The following MBD5 variants were observed in gnomAD, a reference collection of about 807,000 sequenced individuals.
MBD5 encodes methyl-CpG binding domain protein 5.
MBD5 carries 13 observed loss-of-function variants against 117.3 expected under a neutral mutation model. The ratio of observed to expected loss-of-function variants is 0.11; its 90% CI spans 0.07 to 0.18. The LOEUF is 0.18. Ranked by LOEUF, MBD5 falls within the 10% of genes least tolerant of loss-of-function variation. The probability of loss-of-function intolerance (pLI) is 1.00; values close to 1 mark genes in which losing one functional copy is unlikely to be tolerated. For synonymous variants in MBD5, 727 were observed against 766.4 expected (o/e 0.95, Z 0.85); for missense variants, 1,879 against 2,093.8 (o/e 0.90, Z 2.00).
chr2:148,152,511 G>A (rs201072460), intron 1 of MBD5, among the ~76,000 whole-genome samples: 1,876 of 151,650 alleles, frequency 0.012, 45 homozygotes, highest in African/African-American at 0.042. Flanking sequence ...TTTCTGTCTC[G>A]TTGATCTGTC....
intron 4 of MBD5, among the ~76,000 whole-genome samples, chr2:148,351,919 T>G (rs918103726): frequency 6.6e-6 from 1 of 152,070 alleles, no homozygotes; most frequent in African/African-American, 2.4e-5. Context: ...TTCTGCAACC[T>G]ATGTGTTTAG....
At chr2:148,085,092 C>T (rs1409099777) in intron 1 of MBD5, among the ~76,000 whole-genome samples, 1 of 152,134 alleles carries the variant, frequency 6.6e-6, no homozygotes, top group Non-Finnish European at 1.5e-5. Context: ...TCTGTGTAAA[C>T]AACACAGCAG....
At chr2:148,104,621 A>G (rs562883560) in intron 1 of MBD5, among the ~76,000 whole-genome samples, 1 of 152,168 alleles carries the variant, frequency 6.6e-6, no homozygotes, top group Non-Finnish European at 1.5e-5. Context: ...TTGCAGTTGT[A>G]TTGTTAATTT....
chr2:148,276,193 G>C lies in MBD5; in HGVS notation c.-680+42798G>C, dbSNP rs1420161808. Among the ~76,000 whole-genome samples, 3 of 152,110 alleles carry C rather than the reference G, an allele frequency of 2.0e-5. No individual in the cohort carries two copies. In the East Asian group the frequency reaches 5.8e-4, roughly 29 times the overall value. Reference sequence around the variant, plus strand: ...AAGTTAGCCAAATGTAATGGTGCATGCCCATAGTCCTAGCTACTTGGGGGG... The same window carrying C: ...AAGTTAGCCAAATGTAATGGTGCATCCCCATAGTCCTAGCTACTTGGGGGG... On this transcript the variant is annotated intron_variant, in intron 3 of 13. Coordinates refer to ENST00000642680, the MANE Select transcript of MBD5 (RefSeq NM_001378120.1).
chr2:148,417,870 C>T (rs932959105), intron 4 of MBD5, among the ~76,000 whole-genome samples: 11 of 151,826 alleles, frequency 7.2e-5, no homozygotes, highest in Non-Finnish European at 1.5e-4. Context: ...GACAGAGCCT[C>T]ACACTGTTAC....
At chr2:148,029,851 T>C (rs572152851) in intron 1 of MBD5, among the ~76,000 whole-genome samples, 1 of 152,216 alleles carries the variant, frequency 6.6e-6, no homozygotes, top group Admixed American at 6.5e-5. Context: ...CATCCAAGTT[T>C]ATAAGAGGTA....
chr2:148,271,046 T>C (rs1327013040), intron 3 of MBD5, among the ~76,000 whole-genome samples: 1 of 152,194 alleles, frequency 6.6e-6, no homozygotes, highest in Non-Finnish European at 1.5e-5. Flanking sequence ...CATATCTCAC[T>C]CTCATAACAA....
At chr2:148,067,663 G>A (rs1337043185) in intron 1 of MBD5, among the ~76,000 whole-genome samples, 1 of 152,094 alleles carries the variant, frequency 6.6e-6, no homozygotes, top group Non-Finnish European at 1.5e-5. Context: ...AATTTTCTTC[G>A]ATTCATTTCC....
intron 1 of MBD5, among the ~76,000 whole-genome samples, chr2:148,108,437 A>G (rs958443900): frequency 6.6e-6 from 1 of 151,670 alleles, no homozygotes; most frequent in African/African-American, 2.4e-5. Flanking sequence ...ATTATGATCA[A>G]TGTGGTGTGT....
chr2:148,359,074 C>T (rs928818700), intron 4 of MBD5, among the ~76,000 whole-genome samples: 4 of 151,910 alleles, frequency 2.6e-5, no homozygotes, highest in Admixed American at 6.6e-5. Context: ...CCAGCCTGGG[C>T]GACATGGTGA....
chr2:148,212,826 A>G (rs1699458956), intron 2 of MBD5, among the ~76,000 whole-genome samples: 1 of 152,102 alleles, frequency 6.6e-6, no homozygotes, highest in South Asian at 2.1e-4. Flanking sequence ...TCTTCTCTTT[A>G]TATCTCTAAA....
At chr2:148,272,114 G>T (rs1701000372) in intron 3 of MBD5, among the ~76,000 whole-genome samples, 1 of 152,094 alleles carries the variant, frequency 6.6e-6, no homozygotes, top group Non-Finnish European at 1.5e-5. Context: ...GAAGTAACAG[G>T]ATTTCCTTCA....
At chr2:148,457,034 T>C (rs1221122317) in intron 4 of MBD5, among the ~76,000 whole-genome samples, 1 of 152,184 alleles carries the variant, frequency 6.6e-6, no homozygotes, top group Non-Finnish European at 1.5e-5. Flanking sequence ...AATTTGTTAC[T>C]TGATTAAGTT....
rs540317289 is a variant in MBD5, at chr2:148,487,366, G to A, written c.3753+1416G>A. Among the ~76,000 whole-genome samples the A allele has an allele frequency of 1.1e-3, 160 of 152,240 alleles. 1 individual carries two copies. The highest frequency in any genetic ancestry group is 3.8e-3 in the African/African-American group (156 of 41,554). On this transcript the variant is annotated intron_variant, in intron 10 of 13. Coordinates refer to ENST00000642680, the MANE Select transcript of MBD5 (RefSeq NM_001378120.1). ...AGAAGGAGGGGAGCAAGGAAGGGAG[G>A]TAAGAATGATGCACTCCAGTGCTGG...
intron 2 of MBD5, among the ~76,000 whole-genome samples, chr2:148,228,180 T>C (rs1699885760): frequency 6.6e-6 from 1 of 152,198 alleles, no homozygotes; most frequent in South Asian, 2.1e-4. Context: ...GGCATCCCTG[T>C]CTTGTGCCTG....
At chr2:148,333,554 G>T (rs1308283274) in intron 3 of MBD5, among the ~76,000 whole-genome samples, 1 of 152,000 alleles carries the variant, frequency 6.6e-6, no homozygotes, top group East Asian at 1.9e-4. Flanking sequence ...AAATTCCCCA[G>T]TTCAAGGCTG....
At chr2:148,032,858 A>T (rs1694078650) in intron 1 of MBD5, among the ~76,000 whole-genome samples, 1 of 151,984 alleles carries the variant, frequency 6.6e-6, no homozygotes, top group African/African-American at 2.4e-5. Flanking sequence ...GAAACCAGTC[A>T]ACGTAGTGTC....
intron 3 of MBD5, among the ~76,000 whole-genome samples, chr2:148,294,350 G>T (rs540465322): frequency 1.3e-5 from 2 of 150,128 alleles, no homozygotes; most frequent in African/African-American, 4.9e-5. Flanking sequence ...TCAGCCTCCC[G>T]AGTAGCTGGG....
At chr2:148,318,911 T>C (rs896910439) in intron 3 of MBD5, among the ~76,000 whole-genome samples, 3 of 152,162 alleles carry the variant, frequency 2.0e-5, no homozygotes, top group Non-Finnish European at 2.9e-5. Flanking sequence ...AGACAGGGTT[T>C]CACTGTGTTG....
Sources: allele counts gnomAD v4.1 joint callset (sites outside exome capture counted in the v4.1 genomes callset), GRCh38; gene constraint gnomAD v4.1.1; transcripts MANE v1.5; gene names NCBI Gene and HGNC (gene_info 2026-07-23, HGNC 2026-07-21).